Variants in LAMA3 observed in about 807,000 individuals in gnomAD.
LAMA3 encodes the protein laminin subunit alpha-3.
Under a neutral mutation model 402.0 loss-of-function variants are expected in LAMA3, and 281 were observed. The ratio of observed to expected loss-of-function variants is 0.70; its 90% CI spans 0.63 to 0.77. LAMA3 has a LOEUF of 0.77. LAMA3 is among the 30% of genes least tolerant of loss of function. The probability of loss-of-function intolerance (pLI) is 0.00; values close to 1 mark genes in which losing one functional copy is unlikely to be tolerated. For synonymous variants in LAMA3, 1,431 were observed against 1,558.4 expected, an observed-to-expected ratio of 0.92 and a Z score of 1.93; for missense variants, 3,840 against 4,215.5, an observed-to-expected ratio of 0.91 and a Z score of 2.47.
At chr18:23,926,998 A>G (rs1170948093) in intron 62 of LAMA3, among the ~76,000 whole-genome samples, 2 of 152,200 alleles carry the variant, frequency 1.3e-5, no homozygotes, top group African/African-American at 4.8e-5. Context: ...TAAATGAGGA[A>G]ACAGGCACGG....
At chr18:23,925,213 A>C (rs1367181396) in intron 62 of LAMA3, among the ~76,000 whole-genome samples, 1 of 152,252 alleles carries the variant, frequency 6.6e-6, no homozygotes, top group Non-Finnish European at 1.5e-5. Context: ...AAGCAAGTGT[A>C]ATCACTAAAT....
At chr18:23,907,219 A>G (rs1238287081) in intron 52 of LAMA3, among the ~76,000 whole-genome samples, 1 of 152,260 alleles carries the variant, frequency 6.6e-6, no homozygotes, top group African/African-American at 2.4e-5. Flanking sequence ...AGGACATGGT[A>G]GTGGATAAGA....
In LAMA3 at chr18:23,713,979, T is replaced by C. The variant is rs1485510182; in HGVS notation, c.354T>C (p.Asn118=). 15 of 1,613,824 alleles carry C rather than the reference T, an allele frequency of 9.3e-6. No individual in the cohort carries two copies. Among genetic ancestry groups the C allele is most frequent in the Non-Finnish European group, 1.3e-5 (15 of 1,179,904 alleles). Residue 118 remains asparagine, a synonymous_variant, in exon 2 of 75, where the codon AAT becomes AAC. Transcript: ENST00000313654. ...CCAGGAAAGCACATCCTGTCACCAA[T>C]GCCATCGATGGATCTGAACGTTGGT... ...EDPRKAHPVT[N]AIDGSERWWQ...
chr18:23,847,763 G>A, intron 32 of LAMA3, 95 bp downstream of exon 32: 1 of 1,292,874 alleles, frequency 7.7e-7, no homozygotes, highest in Non-Finnish European at 1.1e-6. Flanking sequence ...CTTCCCACCT[G>A]TCCAGGGGTG....
chr18:23,856,530 A>G (rs1336462277), intron 32 of LAMA3, among the ~76,000 whole-genome samples: 3 of 151,840 alleles, frequency 2.0e-5, no homozygotes, highest in Admixed American at 1.3e-4. Flanking sequence ...CCCCTCTCCA[A>G]CCTCGAGTTC....
chr18:23,772,247 G>C (rs1475000727), intron 8 of LAMA3, among the ~76,000 whole-genome samples: 2 of 152,000 alleles, frequency 1.3e-5, no homozygotes, highest in African/African-American at 4.8e-5. Flanking sequence ...TCACCATATT[G>C]GTCAGGCTGG....
intron 43 of LAMA3, 51 bp downstream of exon 43, chr18:23,894,399 T>A: frequency 1.3e-6 from 2 of 1,490,486 alleles, no homozygotes; most frequent in African/African-American, 1.4e-5. Context: ...GGGTTTGGTT[T>A]AAGATATGTG....
intron 65 of LAMA3, chr18:23,931,703 T>C (rs2145403048): frequency 4.4e-6 from 1 of 225,898 alleles, no homozygotes; most frequent in South Asian, 7.0e-5. Context: ...ATTTCCTTTA[T>C]ACAAAGTTCA....
chr18:23,939,944 C>T (rs897937664), intron 68 of LAMA3, among the ~76,000 whole-genome samples: 1 of 152,206 alleles, frequency 6.6e-6, no homozygotes, highest in African/African-American at 2.4e-5. Context: ...AAGGTACTGA[C>T]CTTTTCTTCA....
At chr18:23,804,013 T>A (rs568321792) in intron 12 of LAMA3, among the ~76,000 whole-genome samples, 67 of 152,294 alleles carry the variant, frequency 4.4e-4, no homozygotes, top group African/African-American at 1.5e-3. Context: ...TTGCCCAACT[T>A]ATGGCTTCGT....
intron 8 of LAMA3, among the ~76,000 whole-genome samples, chr18:23,764,896 G>T (rs1411901323): frequency 6.6e-6 from 1 of 152,090 alleles, no homozygotes; most frequent in African/African-American, 2.4e-5. Flanking sequence ...TCCCATGGAG[G>T]ATTGGTCTCA....
At chr18:23,828,883 T>C (rs2063439841) in intron 23 of LAMA3, among the ~76,000 whole-genome samples, 1 of 152,260 alleles carries the variant, frequency 6.6e-6, no homozygotes, top group South Asian at 2.1e-4. Context: ...TCTGCCAGTT[T>C]TTGTTTCAAA....
intron 2 of LAMA3, among the ~76,000 whole-genome samples, chr18:23,732,686 G>A (rs913767656): frequency 1.3e-5 from 2 of 152,024 alleles, no homozygotes; most frequent in Non-Finnish European, 2.9e-5. Context: ...AAGAGCACAG[G>A]CTTCGGAATC....
At chr18:23,761,537 A>T (rs932932858) in intron 7 of LAMA3, among the ~76,000 whole-genome samples, 22 of 152,212 alleles carry the variant, frequency 1.4e-4, no homozygotes, top group African/African-American at 5.1e-4. Flanking sequence ...GACTATAGGG[A>T]TGATGGTACC....
chr18:23,808,842 A>G (rs966917084), intron 12 of LAMA3, among the ~76,000 whole-genome samples: 5 of 152,198 alleles, frequency 3.3e-5, no homozygotes, highest in Non-Finnish European at 7.3e-5. Context: ...TGGGGGCCCC[A>G]TGCGCCAAGG....
chr18:23,929,934 GGATATA>G (rs1252457631), intron 64 of LAMA3, among the ~76,000 whole-genome samples: 1 of 152,122 alleles, frequency 6.6e-6, no homozygotes, highest in Non-Finnish European at 1.5e-5. Context: ...GGGGAATCCT[GGATATA>G]GCATAGGGAC....
At chr18:23,750,857 T>G in intron 4 of LAMA3, 61 bp from the exon 5 acceptor site, 2 of 1,580,404 alleles carry the variant, frequency 1.3e-6, no homozygotes, top group Non-Finnish European at 1.7e-6. Context: ...TTTTACTTAC[T>G]TGCTGCTAAA....
rs1273293955 is a variant in LAMA3 at position 23,867,915 on chromosome 18, G to A, written c.4765G>A (p.Glu1589Lys). 9 of 1,613,432 alleles carry A rather than the reference G, an allele frequency of 5.6e-6. No individual in the cohort carries two copies. The highest frequency in any genetic ancestry group is 4.5e-5 in the East Asian group (2 of 44,876). The change falls in exon 37 of 75, where the codon GAG (glutamate) becomes AAG (lysine). Residue 1589 changes from glutamate to lysine, a missense_variant and splice_region_variant. Physicochemically the swap from Glu to Lys is moderately conservative, Grantham distance 56. Coordinates refer to ENST00000313654, the MANE Select transcript of LAMA3 (RefSeq NM_198129.4). ...GCATCATGGACGAGTGCACGTGGTCGAGGTAAAGGAAGAGCAACCATAGGA... is the reference window on the plus strand; with the variant it reads ...GCATCATGGACGAGTGCACGTGGTCAAGGTAAAGGAAGAGCAACCATAGGA... The part of the protein sequence containing the change: ...RLHHGRVHVV[E>K]GNFRHASSRA...
Position 23,837,310 on chromosome 18 carries a change from C to G in LAMA3, c.3093+221C>G, listed in dbSNP as rs1411858227. ...AAAATTTAGTCATATTTAAGCACCT[C>G]TCACAAAATCCCGTTTCATTAGTTT... On this transcript the variant is annotated intron_variant, in intron 25 of 74. Coordinates refer to ENST00000313654, the MANE Select transcript of LAMA3 (RefSeq NM_198129.4). The G allele has an allele frequency of 3.9e-4, 214 of 542,298 alleles. 1 individual carries two copies. The East Asian group carries it at 6.6e-3, about 17-fold the overall frequency. The allele number at this position is 542,298 out of a possible 1,614,324, so 33.6% of individuals were successfully genotyped here.
Sources: allele counts gnomAD v4.1 joint callset (sites outside exome capture counted in the v4.1 genomes callset), GRCh38; gene constraint gnomAD v4.1.1; transcripts MANE v1.5; gene names NCBI Gene and HGNC (gene_info 2026-07-23, HGNC 2026-07-21).